The following RAD51C variants were observed in gnomAD, a reference collection of about 807,000 sequenced individuals.
RAD51C encodes the protein RAD51 paralog C.
Under a neutral mutation model 45.0 loss-of-function variants are expected in RAD51C, and 42 were observed. The observed-to-expected ratio is 0.93, with a 90% confidence interval of 0.73 to 1.21. The LOEUF (loss-of-function observed/expected upper bound fraction) is 1.21, where lower values mean the gene tolerates loss of function less well. RAD51C is among the 50% of genes most tolerant of loss of function. The pLI is 0.00. For missense variants in RAD51C, 474 were observed against 452.2 expected (o/e 1.05, Z -0.44); for synonymous variants, 172 against 159.8 (o/e 1.08, Z -0.58).
intron 2 of RAD51C, 55 bp downstream of exon 2, chr17:58,695,244 A>G: frequency 1.3e-6 from 2 of 1,552,760 alleles, no homozygotes; most frequent in Non-Finnish European, 8.7e-7. Context: ...TTATGAAAGT[A>G]GTATTTTGTA....
In RAD51C at chr17:58,695,715, G is replaced by T. The variant is rs117770672; in HGVS notation, c.404+526G>T. Among the ~76,000 whole-genome samples the T allele has an allele frequency of 2.1e-3, 324 of 151,672 alleles. 11 individuals carry two copies. In the East Asian group the frequency reaches 0.06, roughly 28 times the overall value. On this transcript the variant is annotated intron_variant, in intron 2 of 8. Coordinates refer to ENST00000337432, the MANE Select transcript of RAD51C (RefSeq NM_058216.3). ...CAGGAGGATAGCTTGAGCCGGGGAG[G>T]TCAAAACTGCAGTGAGCCTTAATCA...
At chr17:58,699,673 A>G (rs1296704648) in intron 3 of RAD51C, among the ~76,000 whole-genome samples, 1 of 152,186 alleles carries the variant, frequency 6.6e-6, no homozygotes, top group Non-Finnish European at 1.5e-5. Flanking sequence ...CTCTTACAGG[A>G]AGACAAAAGT....
chr17:58,720,839 T>C (rs2048895692), intron 6 of RAD51C, 27 bp downstream of exon 6: 1 of 1,558,332 alleles, frequency 6.4e-7, no homozygotes, highest in South Asian at 1.1e-5. Flanking sequence ...ATAAACATTT[T>C]AGTTTATCAC....
At chr17:58,697,444 G>C (rs1333543653) in intron 3 of RAD51C, among the ~76,000 whole-genome samples, 1 of 149,608 alleles carries the variant, frequency 6.7e-6, no homozygotes, top group Non-Finnish European at 1.5e-5. Context: ...GCTGAGGCAG[G>C]AGAATCACTT....
At chr17:58,702,738 C>CT (rs2048252167) in intron 3 of RAD51C, among the ~76,000 whole-genome samples, 3 of 151,656 alleles carry the variant, frequency 2.0e-5, no homozygotes, top group African/African-American at 7.3e-5. Context: ...TGGTTTATGC[C>CT]TGTAATCCCA....
chr17:58,723,016 A>G (rs1053605311), intron 6 of RAD51C, among the ~76,000 whole-genome samples: 4 of 152,180 alleles, frequency 2.6e-5, no homozygotes, highest in African/African-American at 9.7e-5. Flanking sequence ...CATATAACCT[A>G]TTAGTAATTG....
chr17:58,706,024 C>A (rs2048367188), intron 4 of RAD51C: 1 of 152,116 alleles, frequency 6.6e-6, no homozygotes, highest in African/African-American at 2.4e-5. Flanking sequence ...TGAAATCAGG[C>A]AAGTTATATG....
chr17:58,727,105 C>T (rs1368995584), intron 7 of RAD51C, among the ~76,000 whole-genome samples: 3 of 151,714 alleles, frequency 2.0e-5, no homozygotes, highest in Non-Finnish European at 2.9e-5. Flanking sequence ...CAGGCATGAG[C>T]CACCGCACCC....
At chr17:58,723,058 T>A (rs763326719) in intron 6 of RAD51C, among the ~76,000 whole-genome samples, 1 of 152,148 alleles carries the variant, frequency 6.6e-6, no homozygotes, top group Non-Finnish European at 1.5e-5. Flanking sequence ...GCTGGACACA[T>A]AAATTGCTGA....
At chr17:58,731,149 A>G (rs2049403049) in intron 7 of RAD51C, among the ~76,000 whole-genome samples, 1 of 152,112 alleles carries the variant, frequency 6.6e-6, no homozygotes, top group South Asian at 2.1e-4. Context: ...TTGTATGTAC[A>G]TACCACATTT....
intron 7 of RAD51C, among the ~76,000 whole-genome samples, chr17:58,726,134 A>G (rs2062914922): frequency 6.6e-6 from 1 of 150,484 alleles, no homozygotes; most frequent in South Asian, 2.1e-4. Flanking sequence ...TTTTTATTTT[A>G]TTTATTTTTC....
intron 3 of RAD51C, among the ~76,000 whole-genome samples, chr17:58,701,156 C>A (rs2048199453): frequency 6.6e-6 from 1 of 152,010 alleles, no homozygotes; most frequent in East Asian, 2.0e-4. Flanking sequence ...GTGCCTTGGC[C>A]TCCTAAAGTG....
At chr17:58,710,117 C>A in intron 5 of RAD51C, 127 bp downstream of exon 5, 1 of 1,110,478 alleles carries the variant, frequency 9.0e-7, no homozygotes, top group Non-Finnish European at 1.3e-6. Context: ...AGTAAAGTTA[C>A]GTTTGGTTGG....
At chr17:58,701,515 T>C (rs2048211048) in intron 3 of RAD51C, among the ~76,000 whole-genome samples, 1 of 148,358 alleles carries the variant, frequency 6.7e-6, no homozygotes, top group South Asian at 2.2e-4. Flanking sequence ...CTCAAAAAAA[T>C]GAAAAAGAAA....
rs746890699 is a variant in RAD51C, at chr17:58,703,185, T to G, written c.572-11T>G. ...CAGGTAAAACTAATTAAGAGTGTTT[T>G]GTTGTTTCAGAACACCGAAAAGCTT... On this transcript the variant is annotated splice_polypyrimidine_tract_variant and intron_variant, in intron 3 of 8. Coordinates refer to ENST00000337432, the MANE Select transcript of RAD51C (RefSeq NM_058216.3). 1.2e-6 allele frequency: 2 copies of G among 1,610,318 alleles called. No homozygotes were observed. Among genetic ancestry groups the G allele is most frequent in the East Asian group, 4.5e-5 (2 of 44,788 alleles).
At position 58,734,687 on chromosome 17, in the gene RAD51C, C is replaced by T. The variant is rs941009240; in HGVS notation, c.*465C>T. On this transcript the variant is annotated 3_prime_UTR_variant, in exon 9 of 9. Transcript: ENST00000337432. ...TCTGCTCACTGCAACCTCCGCCTCC[C>T]AGGTTCAAGCGATTCATCTGCCTCA... The T allele has an allele frequency of 4.9e-5, 8 of 163,578 alleles. No homozygotes were observed. The highest frequency in any genetic ancestry group is 2.0e-4 in the African/African-American group (8 of 41,022). The allele number at this position is 163,578 out of a possible 1,614,324, so 10.1% of individuals were successfully genotyped here.
chr17:58,709,853 A>G lies in RAD51C; in HGVS notation c.706-6A>G, dbSNP rs776931174. The G allele has an allele frequency of 6.2e-7, 1 of 1,601,682 alleles. No individual in the cohort carries two copies. Among genetic ancestry groups the G allele is most frequent in the Non-Finnish European group, 8.6e-7 (1 of 1,169,026 alleles). ...ACAAATCTAATATTATCTCTTCTGTATTTAGGTTCGACTAGTGATAGTGGA... is the reference window on the plus strand; with the variant it reads ...ACAAATCTAATATTATCTCTTCTGTGTTTAGGTTCGACTAGTGATAGTGGA... On this transcript the variant is annotated splice_region_variant and splice_polypyrimidine_tract_variant and intron_variant, in intron 4 of 8. Coordinates refer to ENST00000337432, the MANE Select transcript of RAD51C (RefSeq NM_058216.3).
chr17:58,705,343 T>TG (rs1321740915), intron 4 of RAD51C, among the ~76,000 whole-genome samples: 7 of 148,574 alleles, frequency 4.7e-5, no homozygotes, highest in South Asian at 4.4e-4. Flanking sequence ...TTTCTTTTTT[T>TG]TGGGGGGGGG....
At chr17:58,698,501 G>A (rs1334649720) in intron 3 of RAD51C, among the ~76,000 whole-genome samples, 1 of 147,518 alleles carries the variant, frequency 6.8e-6, no homozygotes, top group Non-Finnish European at 1.5e-5. Context: ...GCTAATTTTT[G>A]TATTTTTTGT....
Sources: allele counts gnomAD v4.1 joint callset (sites outside exome capture counted in the v4.1 genomes callset), GRCh38; gene constraint gnomAD v4.1.1; transcripts MANE v1.5; gene names NCBI Gene and HGNC (gene_info 2026-07-23, HGNC 2026-07-21).